INPP4A: variants seen among roughly 807,000 people sequenced by gnomAD.
INPP4A encodes the protein inositol polyphosphate-4-phosphatase type I A.
In INPP4A, 33 loss-of-function variants were observed where a neutral mutation model predicts 119.8. The observed-to-expected ratio is 0.28, with a 90% confidence interval of 0.21 to 0.37. The LOEUF (loss-of-function observed/expected upper bound fraction) is 0.37. Among genes scored for constraint, INPP4A ranks in the 10% least tolerant of loss-of-function variants. The probability of loss-of-function intolerance (pLI) is 1.00; values close to 1 mark genes in which losing one functional copy is unlikely to be tolerated. For synonymous variants in INPP4A, 496 were observed against 500.7 expected (o/e 0.99, Z 0.12); for missense variants, 956 against 1,289.9 (o/e 0.74, Z 3.97).
chr2:98,577,114 C>T lies in INPP4A; in HGVS notation c.2757C>T (p.Val919=). The change falls in exon 24 of 25, where the codon GTC becomes GTT. Residue 919 remains valine, a synonymous_variant. Coordinates refer to ENST00000409851, the MANE Select transcript of INPP4A (RefSeq NM_001134225.2). ...ACGAGCATGGCATGGCCCCGCAGGT[C>T]TTCACCCAGGCCCTGGAGTGCATGC... ...LQHEHGMAPQ[V]FTQALECMRS... is the part of the protein sequence containing the mutation. The T allele has an allele frequency of 6.2e-7, 1 of 1,613,244 alleles. No individual in the cohort carries two copies. Among genetic ancestry groups the T allele is most frequent in the Middle Eastern group, 1.7e-4 (1 of 6,008 alleles).
intron 19 of INPP4A, 57 bp from the exon 20 acceptor site, chr2:98,565,583 A>G (rs1409057170): frequency 6.4e-7 from 1 of 1,552,798 alleles, no homozygotes. Context: ...TTCTGCTGAG[A>G]CTGGGGAGAG....
chr2:98,531,864 C>T (rs1689303187), intron 4 of INPP4A, among the ~76,000 whole-genome samples: 1 of 152,188 alleles, frequency 6.6e-6, no homozygotes, highest in African/African-American at 2.4e-5. Flanking sequence ...GATGGACGTT[C>T]ACCAATAGAG....
chr2:98,568,473 G>A (rs1696879943), intron 21 of INPP4A, 98 bp from the exon 22 acceptor site: 2 of 661,386 alleles, frequency 3.0e-6, no homozygotes, highest in Non-Finnish European at 5.5e-6. Context: ...CATAGTAAAT[G>A]TTTGAGAGAA....
chr2:98,558,634 C>T (rs1429557043), intron 16 of INPP4A, among the ~76,000 whole-genome samples: 2 of 152,216 alleles, frequency 1.3e-5, no homozygotes, highest in East Asian at 1.9e-4. Context: ...CTCATTTCCA[C>T]ATCCTGAAGA....
intron 24 of INPP4A, among the ~76,000 whole-genome samples, chr2:98,584,844 T>G (rs988329892): frequency 6.6e-6 from 1 of 152,254 alleles, no homozygotes; most frequent in African/African-American, 2.4e-5. Context: ...CACTAAGGCC[T>G]TTTACTCATG....
At chr2:98,456,982 A>G (rs1169375794) in intron 1 of INPP4A, among the ~76,000 whole-genome samples, 1 of 152,254 alleles carries the variant, frequency 6.6e-6, no homozygotes, top group Non-Finnish European at 1.5e-5. Flanking sequence ...CACTTCACAA[A>G]TGGTGAGTGG....
At chr2:98,585,485 A>G (rs1250657446) in intron 24 of INPP4A, among the ~76,000 whole-genome samples, 1 of 152,220 alleles carries the variant, frequency 6.6e-6, no homozygotes, top group African/African-American at 2.4e-5. Context: ...ATTGGTTCCT[A>G]AAAAGTATGC....
chr2:98,448,487 T>C (rs1694648194), intron 1 of INPP4A, among the ~76,000 whole-genome samples: 1 of 152,222 alleles, frequency 6.6e-6, no homozygotes, highest in Non-Finnish European at 1.5e-5. Context: ...TCATCTGTTT[T>C]GCATTAAGTT....
At chr2:98,460,136 T>TGTGTGTGTGTGTGTGTGTG (rs1558872495) in intron 1 of INPP4A, among the ~76,000 whole-genome samples, 1 of 152,012 alleles carries the variant, frequency 6.6e-6, no homozygotes, top group African/African-American at 2.4e-5. Context: ...TGTGTGTATG[T>TGTGTGTGTGTGTGTGTGTG]TTAAAATTAA....
chr2:98,560,005 A>C (rs79736957), intron 17 of INPP4A, among the ~76,000 whole-genome samples: 1 of 152,246 alleles, frequency 6.6e-6, no homozygotes, highest in African/African-American at 2.4e-5. Flanking sequence ...TTAGAAACCA[A>C]CCTTGCCCAC....
At chr2:98,541,243 C>T (rs1212061782) in intron 10 of INPP4A, among the ~76,000 whole-genome samples, 2 of 151,634 alleles carry the variant, frequency 1.3e-5, no homozygotes, top group Admixed American at 6.6e-5. Context: ...AGGAGAATGG[C>T]GTGAACCCAG....
rs528771283 is a variant in INPP4A at position 98,526,879 on chromosome 2, C to T, written c.151+6148C>T. Among the ~76,000 whole-genome samples, 5 of 152,206 alleles carry T rather than the reference C, an allele frequency of 3.3e-5. No homozygotes were observed. In the South Asian group the frequency reaches 8.3e-4, roughly 25 times the overall value. ...GATTAAACGAGAGAGGGAGGAGGTG[C>T]CACACACTTAAACAAACAGGTCTTG... is the stretch of plus-strand genomic sequence containing the variant. On this transcript the variant is annotated intron_variant, in intron 4 of 24. Coordinates refer to ENST00000409851, the MANE Select transcript of INPP4A (RefSeq NM_001134225.2).
At chr2:98,462,254 C>T (rs1673717868) in intron 1 of INPP4A, among the ~76,000 whole-genome samples, 1 of 152,160 alleles carries the variant, frequency 6.6e-6, no homozygotes, top group African/African-American at 2.4e-5. Context: ...CGAGACCATC[C>T]TGGCTAACAC....
rs1438492058 is a variant in INPP4A, at chr2:98,536,277, A to C, written c.467+69A>C. On this transcript the variant is annotated intron_variant, in intron 7 of 24. Transcript: ENST00000409851. The stretch of plus-strand genomic sequence containing the variant: ...AGGTCCAGGGACAGATGGGGAAAGG[A>C]CCCACTTCTTATACTGAGAGAGCAC... 5.3e-6 allele frequency: 5 copies of C among 949,726 alleles called. No homozygotes were observed. In the East Asian group the frequency reaches 1.3e-4, roughly 24 times the overall value. The allele number at this position is 949,726 out of a possible 1,614,324, so 58.8% of individuals were successfully genotyped here.
Position 98,590,106 on chromosome 2 carries a change from A to G in INPP4A, c.*2498A>G, listed in dbSNP as rs1349840828. 2 of 194,512 alleles carry G rather than the reference A, an allele frequency of 1.0e-5. No homozygotes were observed. Among genetic ancestry groups the G allele is most frequent in the Non-Finnish European group, 1.1e-5 (1 of 93,486 alleles). The allele number at this position is 194,512 out of a possible 1,614,324, so 12.0% of individuals were successfully genotyped here. ...TCATTCAAAGCCATGTATGCTGTAA[A>G]TGTGCTAGTCTTTAGAATGACACAT... On this transcript the variant is annotated 3_prime_UTR_variant, in exon 25 of 25. Transcript: ENST00000409851.
chr2:98,534,788 G>C (rs1689915078), intron 5 of INPP4A, among the ~76,000 whole-genome samples: 1 of 152,210 alleles, frequency 6.6e-6, no homozygotes, highest in Non-Finnish European at 1.5e-5. Flanking sequence ...AGGCATTTGG[G>C]GGAGTGAGAG....
intron 4 of INPP4A, among the ~76,000 whole-genome samples, chr2:98,525,426 T>G (rs1688015541): frequency 6.6e-6 from 1 of 152,222 alleles, no homozygotes; most frequent in African/African-American, 2.4e-5. Flanking sequence ...GTAAAGTCCC[T>G]TTTGCCATGT....
At chr2:98,477,212 C>T (rs968701129) in intron 1 of INPP4A, among the ~76,000 whole-genome samples, 8 of 152,190 alleles carry the variant, frequency 5.3e-5, no homozygotes, top group South Asian at 4.1e-4. Flanking sequence ...GGCGGGTGAG[C>T]GGCAGTTGGG....
At chr2:98,514,409 A>T (rs1237320459) in intron 1 of INPP4A, among the ~76,000 whole-genome samples, 1 of 152,118 alleles carries the variant, frequency 6.6e-6, no homozygotes, top group Admixed American at 6.5e-5. Flanking sequence ...GTAAGAGTAT[A>T]TCTTTGTATG....
Sources: gnomAD v4.1 joint callset for allele counts (sites outside exome capture counted in the v4.1 genomes callset) on GRCh38, gnomAD v4.1.1 for gene constraint, MANE v1.5 for transcripts, NCBI Gene and HGNC (gene_info 2026-07-23, HGNC 2026-07-21) for gene names.